The following PTPN5 variants were observed in gnomAD, a reference collection of about 807,000 sequenced individuals.
The protein encoded by PTPN5 is tyrosine-protein phosphatase non-receptor type 5.
In PTPN5, 29 loss-of-function variants were observed where a neutral mutation model predicts 73.9. The ratio of observed to expected loss-of-function variants is 0.39; its 90% CI spans 0.29 to 0.54. The LOEUF is 0.54. PTPN5 is among the 20% of genes least tolerant of loss of function. The pLI is 0.65. For missense variants in PTPN5, 652 were observed against 751.4 expected (o/e 0.87, Z 1.55); for synonymous variants, 267 against 304.7 (o/e 0.88, Z 1.29).
intron 9 of PTPN5, among the ~76,000 whole-genome samples, chr11:18,737,409 C>T (rs925296429): frequency 3.3e-4 from 51 of 152,252 alleles, no homozygotes; most frequent in African/African-American, 1.1e-3. Flanking sequence ...GCTTACAATT[C>T]GACCACACTC....
At chr11:18,789,044 A>G (rs980488179) in intron 1 of PTPN5, among the ~76,000 whole-genome samples, 4 of 152,216 alleles carry the variant, frequency 2.6e-5, no homozygotes, top group Admixed American at 2.6e-4. Context: ...CTGAGCCTGA[A>G]GTCCAGGAAT....
At chr11:18,764,842 A>G (rs536428595) in intron 3 of PTPN5, among the ~76,000 whole-genome samples, 3 of 152,090 alleles carry the variant, frequency 2.0e-5, no homozygotes, top group African/African-American at 4.8e-5. Context: ...CCTCCCAAGT[A>G]GCTGGGACTA....
At position 18,728,636 on chromosome 11, in the gene PTPN5, G is replaced by C; in HGVS notation, c.*298C>G. The stretch of plus-strand genomic sequence containing the variant: ...TGTAGCACGGAAACATTCTGGATCA[G>C]GTATTGATGGAACCATCGTTAAAAA... On this transcript the variant is annotated 3_prime_UTR_variant, in exon 15 of 15. Coordinates refer to ENST00000358540, the MANE Select transcript of PTPN5 (RefSeq NM_006906.2). This position sits in a 1 kb window ranked among gnomAD's most constrained non-coding sequence, Gnocchi z 4.1. 1 of 349,200 alleles carries C rather than the reference G, an allele frequency of 2.9e-6. No homozygotes were observed. Among genetic ancestry groups the C allele is most frequent in the South Asian group, 4.1e-5 (1 of 24,482 alleles). 21.6% of individuals were successfully genotyped at this position (349,200 alleles called of 1,614,324 possible). A position where few individuals can be genotyped will look rare whatever the true frequency, so the allele number is the denominator to read the frequency against.
At chr11:18,759,209 C>T (rs1452000101) in intron 3 of PTPN5, among the ~76,000 whole-genome samples, 1 of 152,150 alleles carries the variant, frequency 6.6e-6, no homozygotes, top group African/African-American at 2.4e-5. Context: ...CATTCCATAT[C>T]CTGGAACAAC....
intron 12 of PTPN5, among the ~76,000 whole-genome samples, chr11:18,731,406 T>G (rs968998035): frequency 6.6e-6 from 1 of 152,086 alleles, no homozygotes; most frequent in Non-Finnish European, 1.5e-5. Flanking sequence ...GTTCACAGTA[T>G]CCAACCCAGA....
At position 18,733,257 on chromosome 11, in the gene PTPN5, G is replaced by T. The variant is rs150053421; in HGVS notation, c.1196C>A (p.Thr399Asn). The T allele has an allele frequency of 2.4e-4, 390 of 1,613,502 alleles. 2 individuals carry two copies. Among genetic ancestry groups the T allele is most frequent in the Non-Finnish European group, 3.1e-4 (365 of 1,179,602 alleles). The change falls in exon 11 of 15, where the codon ACC (threonine) becomes AAC (asparagine). Residue 399 changes from threonine (T) to asparagine (N), a missense_variant. By Grantham distance (65) the Thr-to-Asn change is moderately conservative. This residue lies in a region of PTPN5 where 529 missense variants were observed against 573.9 expected (regional missense o/e 0.92). Transcript: ENST00000358540. This position sits in a 1 kb window ranked among gnomAD's most constrained non-coding sequence, Gnocchi z 4.3. Reference sequence around the variant, plus strand: ...TACCTCGTTCATCTCCTCGATGTTGGTGATCATGACAATGATGGGCGTGTG... The same window carrying T: ...TACCTCGTTCATCTCCTCGATGTTGTTGATCATGACAATGATGGGCGTGTG... ...QEHTPIIVMI[T>N]NIEEMNEKCT...
chr11:18,791,987 C>T (rs372921313), upstream of PTPN5: 6 of 152,374 alleles, frequency 3.9e-5, no homozygotes, highest in African/African-American at 1.2e-4. Flanking sequence ...TCTCAGGTGC[C>T]TCCCTCTCCC....
At chr11:18,746,195 A>ACC (rs1554916253) in intron 3 of PTPN5, among the ~76,000 whole-genome samples, 1 of 114,038 alleles carries the variant, frequency 8.8e-6, no homozygotes, top group Non-Finnish European at 1.8e-5. Context: ...ATATATATAC[A>ACC]TTTTTTTTTT....
intron 1 of PTPN5, among the ~76,000 whole-genome samples, chr11:18,789,807 T>C (rs1851831076): frequency 6.6e-6 from 1 of 151,584 alleles, no homozygotes; most frequent in Admixed American, 6.6e-5. Flanking sequence ...AGGTGGGAGG[T>C]GGATGAGGGA....
intron 3 of PTPN5, among the ~76,000 whole-genome samples, chr11:18,755,990 T>G (rs1259613237): frequency 1.7e-5 from 2 of 114,376 alleles, no homozygotes; most frequent in Admixed American, 1.2e-4. Flanking sequence ...GGCGACAGAG[T>G]GAGACTCTAA....
chr11:18,777,975 G>A (rs375787512), intron 1 of PTPN5, among the ~76,000 whole-genome samples: 40 of 145,724 alleles, frequency 2.7e-4, no homozygotes, highest in African/African-American at 7.4e-4. Flanking sequence ...AGGAAGGAAG[G>A]AAGAAAGAAA....
At chr11:18,778,310 G>A (rs756582666) in intron 1 of PTPN5, among the ~76,000 whole-genome samples, 8 of 152,346 alleles carry the variant, frequency 5.3e-5, no homozygotes, top group Non-Finnish European at 1.2e-4. Context: ...CAGTCTCACT[G>A]TTGCTTATCT....
At chr11:18,747,780 A>T (rs959392234) in intron 3 of PTPN5, among the ~76,000 whole-genome samples, 4 of 152,250 alleles carry the variant, frequency 2.6e-5, no homozygotes, top group African/African-American at 9.6e-5. Flanking sequence ...GACCTTAAAA[A>T]TTAAGAAAGT....
At position 18,786,288 on chromosome 11, in the gene PTPN5, C is replaced by T. The variant is rs188341435; in HGVS notation, c.-114+5237G>A. Among the ~76,000 whole-genome samples the T allele has an allele frequency of 4.6e-3, 696 of 152,098 alleles. 7 individuals carry two copies. Among genetic ancestry groups the T allele is most frequent in the African/African-American group, 0.015 (605 of 41,500 alleles). ...CTCTATCTCGGCTCACTGCAAGCTC[C>T]GCCTCCTGGGTTCATGCCATTCTCC... is the stretch of plus-strand genomic sequence containing the variant. On this transcript the variant is annotated intron_variant, in intron 1 of 14. Coordinates refer to ENST00000358540, the MANE Select transcript of PTPN5 (RefSeq NM_006906.2).
At chr11:18,776,634 T>C (rs532007978) in intron 1 of PTPN5, among the ~76,000 whole-genome samples, 1 of 152,278 alleles carries the variant, frequency 6.6e-6, no homozygotes, top group African/African-American at 2.4e-5. Context: ...CACGTGGAGA[T>C]TGGGACTTGG....
intron 8 of PTPN5, 130 bp from the exon 9 acceptor site, chr11:18,738,094 A>G: frequency 1.4e-6 from 1 of 723,962 alleles, no homozygotes; most frequent in South Asian, 1.5e-5. Flanking sequence ...ACAAACATTT[A>G]CTATTAAGAG....
intron 1 of PTPN5, among the ~76,000 whole-genome samples, chr11:18,776,105 G>A (rs1333759264): frequency 6.6e-6 from 1 of 152,156 alleles, no homozygotes; most frequent in Non-Finnish European, 1.5e-5. Flanking sequence ...TGAAAACATT[G>A]CATTCTGCTC....
rs143968691 is a variant in PTPN5, at chr11:18,763,329, G to A, written c.97+2478C>T. Among the ~76,000 whole-genome samples the A allele has an allele frequency of 1.2e-3, 187 of 152,334 alleles. 2 individuals carry two copies. The highest frequency in any genetic ancestry group is 4.5e-3 in the African/African-American group (185 of 41,570). On this transcript the variant is annotated intron_variant, in intron 3 of 14. Transcript: ENST00000358540. ...CAGTGGCTCCATGGGGACAACAGAG[G>A]CAGAACAAGGTAGCGGTGACGACAC...
Position 18,765,853 on chromosome 11 carries a change from G to A in PTPN5, c.51C>T (p.Asp17=). The part of the protein sequence containing the change: ...RSERENHAAD[D]SEGGALDMCC... Reference sequence around the variant, plus strand: ...ACATGTCCAGGGCCCCTCCCTCGGAGTCATCAGCAGCGTGGTTCTCTCTCT... The same window carrying A: ...ACATGTCCAGGGCCCCTCCCTCGGAATCATCAGCAGCGTGGTTCTCTCTCT... Residue 17 remains aspartate (D), a synonymous_variant, in exon 3 of 15, where the codon GAC becomes GAT. Coordinates refer to ENST00000358540, the MANE Select transcript of PTPN5 (RefSeq NM_006906.2). The A allele has an allele frequency of 6.3e-7, 1 of 1,581,738 alleles. No homozygotes were observed. Among genetic ancestry groups the A allele is most frequent in the South Asian group, 1.2e-5 (1 of 86,192 alleles).
Sources: gnomAD v4.1 joint callset for allele counts (sites outside exome capture counted in the v4.1 genomes callset) on GRCh38, gnomAD v4.1.1 for gene constraint, gnomAD v4.1.1 regional missense constraint, Gnocchi (gnomAD v3.1) non-coding constraint, MANE v1.5 for transcripts, NCBI Gene and HGNC (gene_info 2026-07-23, HGNC 2026-07-21) for gene names.